The following CLVS1 variants were observed in gnomAD, a reference collection of about 807,000 sequenced individuals.
CLVS1 encodes clavesin-1.
A neutral mutation model predicts 33.1 loss-of-function variants in CLVS1; 10 were observed. The observed-to-expected ratio is 0.30, with a 90% CI of 0.19 to 0.51. The LOEUF (loss-of-function observed/expected upper bound fraction) is 0.51, where lower values mean the gene tolerates loss of function less well. Among genes scored for constraint, CLVS1 ranks in the 20% least tolerant of loss-of-function variants. The pLI is 0.97. For missense variants in CLVS1, 343 were observed against 433.4 expected, an observed-to-expected ratio of 0.79 and a Z score of 1.85; for synonymous variants, 163 against 166.1, an observed-to-expected ratio of 0.98 and a Z score of 0.14.
At chr8:61,412,614 T>C (rs1157060649) in intron 3 of CLVS1, among the ~76,000 whole-genome samples, 1 of 152,250 alleles carries the variant, frequency 6.6e-6, no homozygotes, top group Non-Finnish European at 1.5e-5. Flanking sequence ...CAGTGCATCT[T>C]GTAACAACCG....
At chr8:61,269,629 T>C (rs944110156) in intron 2 of CLVS1, among the ~76,000 whole-genome samples, 1 of 151,124 alleles carries the variant, frequency 6.6e-6, no homozygotes, top group Non-Finnish European at 1.5e-5. Flanking sequence ...TTTCACGATA[T>C]TGATTCTTCC....
chr8:61,299,621 C>G (rs1585768988), intron 1 of CLVS1, 56 bp from the exon 2 acceptor site: 1 of 546,434 alleles, frequency 1.8e-6, no homozygotes, highest in East Asian at 2.9e-5. Flanking sequence ...TTAATTTGCC[C>G]AGACTTTCTT....
chr8:61,452,996 AG>A (rs1414589036), intron 3 of CLVS1, among the ~76,000 whole-genome samples: 7 of 152,118 alleles, frequency 4.6e-5, no homozygotes, highest in African/African-American at 1.7e-4. Context: ...GACCCGGGTG[AG>A]GCATCTCATA....
intron 1 of CLVS1, among the ~76,000 whole-genome samples, chr8:61,124,315 A>G (rs1458427524): frequency 2.6e-5 from 4 of 152,202 alleles, no homozygotes; most frequent in Non-Finnish European, 5.9e-5. Context: ...ACTACTTCAT[A>G]TGAGATTCCA....
chr8:61,257,069 C>T (rs1009587657), intron 2 of CLVS1, among the ~76,000 whole-genome samples: 13 of 152,156 alleles, frequency 8.5e-5, no homozygotes, highest in Non-Finnish European at 1.3e-4. Context: ...AAAAAGATGG[C>T]TTTGATCGAT....
At chr8:61,048,136 A>T in the CLVS1 span, among the ~76,000 whole-genome samples, 1 of 152,170 alleles carries the variant, frequency 6.6e-6, no homozygotes, top group Non-Finnish European at 1.5e-5. Flanking sequence ...GGCTCAGTTT[A>T]AATTGCAGTT....
At chr8:61,162,633 G>GCAACTCCAGTGTATTTTT (rs1456767429) in intron 2 of CLVS1, among the ~76,000 whole-genome samples, 2 of 152,232 alleles carry the variant, frequency 1.3e-5, no homozygotes, top group Admixed American at 1.3e-4. Context: ...CTTGGGTATA[G>GCAACTCCAGTGTATTTTT]CAACTCCAGT....
At chr8:61,432,728 T>C (rs1816160417) in intron 3 of CLVS1, among the ~76,000 whole-genome samples, 1 of 152,200 alleles carries the variant, frequency 6.6e-6, no homozygotes, top group Admixed American at 6.5e-5. Flanking sequence ...AATCTTATAC[T>C]TGACTCAGTA....
chr8:61,245,650 C>T (rs941992196), intron 2 of CLVS1, among the ~76,000 whole-genome samples: 2 of 151,548 alleles, frequency 1.3e-5, no homozygotes, highest in Non-Finnish European at 2.9e-5. Flanking sequence ...TATTTACCCT[C>T]TATCCTGTTT....
At position 61,302,573 on chromosome 8, in the gene CLVS1, A is replaced by C. The variant is rs528091836; in HGVS notation, c.455+2291A>C. On this transcript the variant is annotated intron_variant, in intron 2 of 5. Transcript: ENST00000325897. ...CTGCAATAGAATAATTCTTTCTGAG[A>C]TACACAATTCATTGGTGCAGGACAT... 1.3e-3 allele frequency among the ~76,000 whole-genome samples: 197 copies of C among 152,314 alleles called. 1 individual carries two copies. The highest frequency in any genetic ancestry group is 4.5e-3 in the African/African-American group (187 of 41,586).
upstream of CLVS1, among the ~76,000 whole-genome samples, chr8:61,285,695 T>G (rs1399955015): frequency 6.6e-6 from 1 of 152,128 alleles, no homozygotes; most frequent in Non-Finnish European, 1.5e-5. Context: ...GTGCCTTGTG[T>G]GTGTTGACCA....
intron 1 of CLVS1, among the ~76,000 whole-genome samples, chr8:61,097,247 GCA>G (rs1160714506): frequency 6.6e-6 from 1 of 151,102 alleles, no homozygotes. Flanking sequence ...AGCCGAGATC[GCA>G]CCACTGCTCT....
chr8:61,135,925 C>T (rs979708187), intron 2 of CLVS1, among the ~76,000 whole-genome samples: 1 of 152,216 alleles, frequency 6.6e-6, no homozygotes, highest in Non-Finnish European at 1.5e-5. Flanking sequence ...TGTGCCCTCT[C>T]GGGCTCTCCG....
At chr8:61,223,666 T>A (rs1808270409) in intron 2 of CLVS1, among the ~76,000 whole-genome samples, 1 of 152,214 alleles carries the variant, frequency 6.6e-6, no homozygotes. Context: ...TTGAGGTTGA[T>A]CTTCTCATGG....
At chr8:61,243,953 C>T (rs1808751366) in intron 2 of CLVS1, among the ~76,000 whole-genome samples, 1 of 152,150 alleles carries the variant, frequency 6.6e-6, no homozygotes, top group African/African-American at 2.4e-5. Context: ...AGCTGATCCT[C>T]ATTATTTGTG....
At chr8:60,979,362 G>C in the CLVS1 span, among the ~76,000 whole-genome samples, 1 of 152,192 alleles carries the variant, frequency 6.6e-6, no homozygotes, top group Non-Finnish European at 1.5e-5. Flanking sequence ...CAGCACAGAT[G>C]AGCACTCTCT....
chr8:61,042,961 C>T, the CLVS1 span, among the ~76,000 whole-genome samples: 3 of 152,298 alleles, frequency 2.0e-5, no homozygotes, highest in South Asian at 2.1e-4. Flanking sequence ...TGGGTGTTTA[C>T]TTGGGTAACC....
intron 2 of CLVS1, among the ~76,000 whole-genome samples, chr8:61,261,058 A>G (rs1247019738): frequency 1.3e-5 from 2 of 152,256 alleles, no homozygotes; most frequent in East Asian, 3.9e-4. Flanking sequence ...AATATTGTAA[A>G]AGTTAGTTTT....
At chr8:60,985,542 C>T in the CLVS1 span, among the ~76,000 whole-genome samples, 2 of 152,192 alleles carry the variant, frequency 1.3e-5, no homozygotes, top group Admixed American at 1.3e-4. Context: ...CTCCACACTA[C>T]GCTCGTTCAG....
Sources: gnomAD v4.1 joint callset for allele counts (sites outside exome capture counted in the v4.1 genomes callset) on GRCh38, gnomAD v4.1.1 for gene constraint, MANE v1.5 for transcripts, NCBI Gene and HGNC (gene_info 2026-07-23, HGNC 2026-07-21) for gene names.